The following ZBTB21 variants were observed in gnomAD, a reference collection of about 807,000 sequenced individuals.
ZBTB21 encodes zinc finger and BTB domain-containing protein 21.
In ZBTB21, 10 loss-of-function variants were observed where a neutral mutation model predicts 39.8. The observed-to-expected ratio is 0.25, with a 90% CI of 0.16 to 0.43. The LOEUF is 0.43. Ranked by LOEUF, ZBTB21 falls within the 20% of genes least tolerant of loss-of-function variation. ZBTB21 has a pLI of 1.00. For synonymous variants in ZBTB21, 551 were observed against 498.8 expected (o/e 1.10, Z -1.40); for missense variants, 1,221 against 1,296.3 (o/e 0.94, Z 0.89).
chr21:41,992,813 C>A lies in ZBTB21; in HGVS notation c.1283G>T (p.Arg428Leu), dbSNP rs767749393. ...REGASPVTEVRIKTEPSSPLS... is the reference protein window; with the variant it reads ...REGASPVTEVLIKTEPSSPLS... ...CGGGCTGCTGGGCTCAGTCTTTATGCGCACCTCAGTCACAGGGGAAGCTCC... is the reference window on the plus strand; with the variant it reads ...CGGGCTGCTGGGCTCAGTCTTTATGAGCACCTCAGTCACAGGGGAAGCTCC... Residue 428 changes from arginine to leucine, a missense_variant, in exon 3 of 3, where the codon CGC (arginine) becomes CTC (leucine). Arg to Leu is a moderately radical substitution (Grantham distance 102). This residue lies in a region of ZBTB21 where 500 missense variants were observed against 465.6 expected (regional missense o/e 1.07). Coordinates refer to ENST00000310826, the MANE Select transcript of ZBTB21 (RefSeq NM_001098402.2). This position sits in a 1 kb window ranked among gnomAD's most constrained non-coding sequence, Gnocchi z 4.1. 1 of 1,614,048 alleles carries A rather than the reference C, an allele frequency of 6.2e-7. No homozygotes were observed. Among genetic ancestry groups the A allele is most frequent in the African/African-American group, 1.3e-5 (1 of 75,038 alleles).
intron 2 of ZBTB21, among the ~76,000 whole-genome samples, 190 bp from the exon 3 acceptor site, chr21:41,994,298 A>T (rs2065716601): frequency 6.6e-6 from 1 of 152,230 alleles, no homozygotes; most frequent in African/African-American, 2.4e-5. Context: ...TCGTGGTTTA[A>T]GTAGGTCCTC....
chr21:41,998,171 C>T (rs1601645319), intron 2 of ZBTB21, among the ~76,000 whole-genome samples: 2 of 151,810 alleles, frequency 1.3e-5, no homozygotes, highest in Non-Finnish European at 2.9e-5. Flanking sequence ...GCTTCTGTTC[C>T]TCTAACACCT....
chr21:41,997,996 A>C (rs1381116032), intron 2 of ZBTB21, among the ~76,000 whole-genome samples: 1 of 152,090 alleles, frequency 6.6e-6, no homozygotes, highest in African/African-American at 2.4e-5. Context: ...CATCTAAAGA[A>C]AACTCAACAA....
chr21:42,006,700 G>C (rs543208957), intron 1 of ZBTB21, among the ~76,000 whole-genome samples: 1 of 152,160 alleles, frequency 6.6e-6, no homozygotes, highest in African/African-American at 2.4e-5. Context: ...AAATTTATAT[G>C]ATAAAGACTT....
Position 41,987,503 on chromosome 21 carries a change from A to C in ZBTB21, c.*3392T>G, listed in dbSNP as rs1354388911. 6.6e-6 allele frequency: 1 copy of C among 152,238 alleles called. No homozygotes were observed. The highest frequency in any genetic ancestry group is 6.5e-5 in the Admixed American group (1 of 15,292). The allele number at this position is 152,238 out of a possible 1,614,324, so 9.4% of individuals were successfully genotyped here. A position where few individuals can be genotyped will look rare whatever the true frequency, so the allele number is the denominator to read the frequency against. ...TAGTCAGTGTTAAAGAACACTTTTA[A>C]AGAGTACGTGTCAGCATTATTTAAA... On this transcript the variant is annotated 3_prime_UTR_variant, in exon 3 of 3. Transcript: ENST00000310826.
intron 1 of ZBTB21, among the ~76,000 whole-genome samples, chr21:42,006,880 A>G (rs1441711764): frequency 6.6e-6 from 1 of 152,226 alleles, no homozygotes; most frequent in Non-Finnish European, 1.5e-5. Context: ...AGTAGGGACA[A>G]GAAGATGCCA....
At chr21:42,008,540 CAAAAAAAAAAAAAA>C (rs68176203) in intron 1 of ZBTB21, among the ~76,000 whole-genome samples, 4 of 60,372 alleles carry the variant, frequency 6.6e-5, no homozygotes, top group Non-Finnish European at 1.3e-4. Flanking sequence ...GAAACTCTGT[CAAAAAAAAAAAAAA>C]AAAAAAAAGA....
At chr21:41,997,003 A>T (rs2065755203) in intron 2 of ZBTB21, among the ~76,000 whole-genome samples, 1 of 152,134 alleles carries the variant, frequency 6.6e-6, no homozygotes, top group Admixed American at 6.5e-5. Context: ...AGTCCACTGA[A>T]CCTCTTTTTC....
Position 41,988,706 on chromosome 21 carries a change from CCAGT to C in ZBTB21, c.*2185_*2188del, listed in dbSNP as rs935602957. On this transcript the variant is annotated 3_prime_UTR_variant, in exon 3 of 3. Coordinates refer to ENST00000310826, the MANE Select transcript of ZBTB21 (RefSeq NM_001098402.2). ...TAGACAAAAATGTGAAGACAAAACA[CCAGT>C]CATTTTTAAAATCTAACAGATATGC... 7.2e-5 allele frequency: 11 copies of C among 151,964 alleles called. No homozygotes were observed. Among genetic ancestry groups the C allele is most frequent in the South Asian group, 2.1e-4 (1 of 4,830 alleles). The allele number at this position is 151,964 out of a possible 1,614,324, so 9.4% of individuals were successfully genotyped here.
At chr21:42,003,678 A>G (rs2065844340) in intron 1 of ZBTB21, among the ~76,000 whole-genome samples, 1 of 152,232 alleles carries the variant, frequency 6.6e-6, no homozygotes, top group Non-Finnish European at 1.5e-5. Context: ...ACGCTGAACC[A>G]CTGGGTATAA....
Position 41,991,555 on chromosome 21 carries a change from G to C in ZBTB21, c.2541C>G (p.Phe847Leu). 6.2e-7 allele frequency: 1 copy of C among 1,614,206 alleles called. No individual in the cohort carries two copies. Among genetic ancestry groups the C allele is most frequent in the Non-Finnish European group, 8.5e-7 (1 of 1,180,056 alleles). Residue 847 changes from phenylalanine (F) to leucine (L), a missense_variant, in exon 3 of 3, where the codon TTC (phenylalanine) becomes TTG (leucine). Phe to Leu is a conservative substitution (Grantham distance 22, BLOSUM62 0). Coordinates refer to ENST00000310826, the MANE Select transcript of ZBTB21 (RefSeq NM_001098402.2). The surrounding 1 kb of genome is among the most constrained non-coding windows in gnomAD (Gnocchi z 4.9). ...HIVTTKDDNV[F>L]SDSSEQVNFD... Reference sequence around the variant, plus strand: ...AGTTAACTTGTTCTGAAGAATCACTGAACACGTTGTCGTCTTTTGTGGTGA... The same window carrying C: ...AGTTAACTTGTTCTGAAGAATCACTCAACACGTTGTCGTCTTTTGTGGTGA...
chr21:42,007,403 C>G (rs905248288), intron 1 of ZBTB21, among the ~76,000 whole-genome samples: 1 of 152,186 alleles, frequency 6.6e-6, no homozygotes, highest in Non-Finnish European at 1.5e-5. Flanking sequence ...CAAGACTTTT[C>G]ATACTCTGGT....
At chr21:41,997,664 C>G (rs1428336693) in intron 2 of ZBTB21, among the ~76,000 whole-genome samples, 1 of 152,124 alleles carries the variant, frequency 6.6e-6, no homozygotes, top group Non-Finnish European at 1.5e-5. Flanking sequence ...TGCTATTTGC[C>G]TTGCAATCTC....
Position 42,010,329 on chromosome 21 carries a change from G to A in ZBTB21, c.-156C>T, listed in dbSNP as rs1307835483. 1 of 397,902 alleles carries A rather than the reference G, an allele frequency of 2.5e-6. No individual in the cohort carries two copies. Among genetic ancestry groups the A allele is most frequent in the Admixed American group, 4.4e-5 (1 of 22,694 alleles). The allele number at this position is 397,902 out of a possible 1,614,324, so 24.6% of individuals were successfully genotyped here. ...CGCGCGCGCCGCAGCCGCCGCTGCCGCTGTGATTCCATCCATCTTGAATTT... is the reference window on the plus strand; with the variant it reads ...CGCGCGCGCCGCAGCCGCCGCTGCCACTGTGATTCCATCCATCTTGAATTT... On this transcript the variant is annotated 5_prime_UTR_variant, in exon 1 of 3. Transcript: ENST00000310826.
intron 2 of ZBTB21, among the ~76,000 whole-genome samples, chr21:42,000,987 T>G (rs1413844586): frequency 6.6e-6 from 1 of 152,168 alleles, no homozygotes; most frequent in East Asian, 1.9e-4. Context: ...AAAATTTGGG[T>G]GTTTATTCTG....
intron 2 of ZBTB21, among the ~76,000 whole-genome samples, chr21:41,994,392 G>A (rs2065718214): frequency 6.6e-6 from 1 of 152,132 alleles, no homozygotes; most frequent in Middle Eastern, 3.2e-3. Context: ...AGGTAGATAT[G>A]GAAGCAATAT....
chr21:42,007,649 ACTT>A (rs1249718013), intron 1 of ZBTB21, among the ~76,000 whole-genome samples: 5 of 152,116 alleles, frequency 3.3e-5, no homozygotes, highest in African/African-American at 1.2e-4. Context: ...TAACACCACA[ACTT>A]CTTCAATTAA....
intron 1 of ZBTB21, among the ~76,000 whole-genome samples, chr21:42,010,007 C>G (rs1447419132): frequency 1.3e-5 from 2 of 152,360 alleles, no homozygotes; most frequent in African/African-American, 4.8e-5. Flanking sequence ...AGGCCAAGTG[C>G]TGGCAGGGAG....
intron 2 of ZBTB21, among the ~76,000 whole-genome samples, chr21:41,994,403 T>C (rs1229750974): frequency 6.6e-6 from 1 of 152,210 alleles, no homozygotes; most frequent in African/African-American, 2.4e-5. Context: ...GAAGCAATAT[T>C]TGAAAATAAA....
Sources: allele counts gnomAD v4.1 joint callset (sites outside exome capture counted in the v4.1 genomes callset), GRCh38; gene constraint gnomAD v4.1.1; regional missense constraint gnomAD v4.1.1; non-coding constraint Gnocchi (gnomAD v3.1); transcripts MANE v1.5; gene names NCBI Gene and HGNC (gene_info 2026-07-23, HGNC 2026-07-21).